The following EIF4E2 variants were observed in gnomAD, a reference collection of about 807,000 sequenced individuals.
The protein encoded by EIF4E2 is eukaryotic translation initiation factor 4E family member 2.
EIF4E2 carries 13 observed loss-of-function variants against 34.2 expected under a neutral mutation model. The ratio of observed to expected loss-of-function variants is 0.38; its 90% CI spans 0.25 to 0.60. The LOEUF is 0.60. Ranked by LOEUF, EIF4E2 falls within the 20% of genes least tolerant of loss-of-function variation. The pLI is 0.62. For missense variants in EIF4E2, 222 were observed against 315.1 expected, an observed-to-expected ratio of 0.70 and a Z score of 2.24; for synonymous variants, 100 against 106.6, an observed-to-expected ratio of 0.94 and a Z score of 0.38.
downstream of EIF4E2, among the ~76,000 whole-genome samples, chr2:232,571,125 T>C (rs568746022): frequency 2.2e-4 from 33 of 152,318 alleles, no homozygotes; most frequent in African/African-American, 7.7e-4. Flanking sequence ...TCTTCAACCG[T>C]TGGGTTTTTC....
At chr2:232,555,665 G>A (rs1692492838) in intron 1 of EIF4E2, among the ~76,000 whole-genome samples, 1 of 152,204 alleles carries the variant, frequency 6.6e-6, no homozygotes, top group African/African-American at 2.4e-5. Flanking sequence ...AGTAGGGAAA[G>A]CAGACATGGG....
chr2:232,568,131 C>A, intron 6 of EIF4E2: 2 of 985,284 alleles, frequency 2.0e-6, no homozygotes, highest in Non-Finnish European at 2.4e-6. Flanking sequence ...TTTACGGGGC[C>A]AAGTAGTAGT....
At chr2:232,573,762 TA>T, downstream of EIF4E2, 10 of 283,506 alleles carry the variant, frequency 3.5e-5, no homozygotes, top group South Asian at 1.0e-4. Context: ...AGGTCGGAAA[TA>T]TGAAAACAGA....
At chr2:232,570,203 A>G (rs1298757873), downstream of EIF4E2, among the ~76,000 whole-genome samples, 1 of 152,080 alleles carries the variant, frequency 6.6e-6, no homozygotes, top group East Asian at 1.9e-4. Flanking sequence ...CATGTGGCCC[A>G]AGATCCTGCA....
At position 232,557,907 on chromosome 2, in the gene EIF4E2, G is replaced by A. The variant is rs745718108; in HGVS notation, c.159G>A (p.Glu53=). Residue 53 remains glutamate, a synonymous_variant, in exon 3 of 7, where the codon GAG becomes GAA. Transcript: ENST00000258416. The part of the protein sequence containing the change: ...KRKAVVPGPA[E]HPLQYNYTFW... ...AGGCTGTTGTCCCTGGACCGGCAGA[G>A]CATCCCCTGCAGTACAACTACACTT... 5.6e-6 allele frequency: 9 copies of A among 1,613,660 alleles called. No individual in the cohort carries two copies. The African/African-American group carries it at 6.7e-5, about 12-fold the overall frequency.
chr2:232,557,792 G>T, intron 2 of EIF4E2, 92 bp from the exon 3 acceptor site: 1 of 1,388,632 alleles, frequency 7.2e-7, no homozygotes, highest in Admixed American at 2.0e-5. Context: ...TTTTAATTGT[G>T]GAGGTGGTAA....
At chr2:232,582,278 C>T (rs907505334) in exon 7 of EIF4E2, 1 of 152,626 alleles carries the variant, frequency 6.6e-6, no homozygotes, top group East Asian at 1.9e-4. Context: ...ACTAGGGGAT[C>T]CTTGGCCACC....
chr2:232,562,594 A>C (rs1219342918), intron 3 of EIF4E2, among the ~76,000 whole-genome samples: 1 of 152,188 alleles, frequency 6.6e-6, no homozygotes, highest in African/African-American at 2.4e-5. Flanking sequence ...CCATCTCAAA[A>C]AAACAAACAA....
At chr2:232,557,700 T>A (rs929674043) in intron 2 of EIF4E2, 184 bp from the exon 3 acceptor site, 3 of 673,038 alleles carry the variant, frequency 4.5e-6, no homozygotes, top group Admixed American at 2.6e-5. Context: ...TTCAGGAATT[T>A]AGAATCAGTT....
intron 2 of EIF4E2, 150 bp downstream of exon 2, chr2:232,556,680 A>G: frequency 4.8e-6 from 3 of 619,718 alleles, no homozygotes; most frequent in Non-Finnish European, 8.5e-6. Flanking sequence ...TTGTGCAATC[A>G]TTGATGTTCA....
chr2:232,559,449 A>AAAT (rs1559315097), intron 3 of EIF4E2, among the ~76,000 whole-genome samples: 7,558 of 151,348 alleles, frequency 0.05, 438 homozygotes, highest in African/African-American at 0.13. Context: ...AAAAAATAAA[A>AAAT]AAATAAAATA....
At chr2:232,559,824 T>TAAAAA (rs576233672) in intron 3 of EIF4E2, among the ~76,000 whole-genome samples, 2 of 115,504 alleles carry the variant, frequency 1.7e-5, no homozygotes, top group Non-Finnish European at 3.5e-5. Context: ...ACGGGAGCAT[T>TAAAAA]AAAAAAAAAA....
intron 3 of EIF4E2, among the ~76,000 whole-genome samples, chr2:232,560,381 T>A (rs954184422): frequency 1.3e-5 from 2 of 152,250 alleles, no homozygotes; most frequent in African/African-American, 4.8e-5. Flanking sequence ...ATGTAAGAGC[T>A]AAAATTATAA....
At chr2:232,555,832 C>T (rs1361989778) in intron 1 of EIF4E2, among the ~76,000 whole-genome samples, 1 of 152,080 alleles carries the variant, frequency 6.6e-6, no homozygotes, top group African/African-American at 2.4e-5. Context: ...CATCAAAAAG[C>T]GAGGGACAGT....
chr2:232,582,801 TTTG>T (rs146031466), exon 7 of EIF4E2: 4,693 of 152,054 alleles, frequency 0.031, 107 homozygotes, highest in Middle Eastern at 0.088. Context: ...TGTCCATAGT[TTTG>T]TTGTTGTTGT....
At chr2:232,550,853 G>A (rs1400535674) in intron 1 of EIF4E2, 109 bp downstream of exon 1, 32 of 1,139,478 alleles carry the variant, frequency 2.8e-5, no homozygotes, top group African/African-American at 6.5e-5. Flanking sequence ...CTTCCCTGCT[G>A]GGATCCGGCT....
At chr2:232,550,919 C>T (rs1404562573) in intron 1 of EIF4E2, 175 bp downstream of exon 1, 9 of 678,612 alleles carry the variant, frequency 1.3e-5, no homozygotes, top group Admixed American at 6.0e-5. Context: ...GCAATGGATA[C>T]CGGAGTCCCG....
chr2:232,573,059 C>T (rs1332432955), downstream of EIF4E2, among the ~76,000 whole-genome samples: 2 of 152,176 alleles, frequency 1.3e-5, no homozygotes, highest in African/African-American at 2.4e-5. Flanking sequence ...ATTCACAAAG[C>T]ACATCACATC....
rs369589050 is a variant in EIF4E2, at chr2:232,562,905, A to T, written c.271-1342A>T. On this transcript the variant is annotated intron_variant, in intron 3 of 6. Coordinates refer to ENST00000258416, the MANE Select transcript of EIF4E2 (RefSeq NM_004846.4). ...TTGCTGAGTATAAAGCACTGCCTTG[A>T]AGCCCTATAGATGGCGTTAGTTCTG... 2.6e-5 allele frequency among the ~76,000 whole-genome samples: 4 copies of T among 152,226 alleles called. No homozygotes were observed. The South Asian group carries it at 8.3e-4, about 32-fold the overall frequency.
Sources: gnomAD v4.1 joint callset for allele counts (sites outside exome capture counted in the v4.1 genomes callset) on GRCh38, gnomAD v4.1.1 for gene constraint, MANE v1.5 for transcripts, NCBI Gene and HGNC (gene_info 2026-07-23, HGNC 2026-07-21) for gene names.